TMEM45A: variants seen among roughly 807,000 people sequenced by gnomAD.
TMEM45A encodes the protein transmembrane protein 45A.
Under a neutral mutation model 32.0 loss-of-function variants are expected in TMEM45A, and 25 were observed. The observed-to-expected ratio is 0.78, with a 90% CI of 0.57 to 1.09. TMEM45A has a LOEUF of 1.09. Among genes scored for constraint, TMEM45A ranks in the 50% least tolerant of loss-of-function variants. TMEM45A has a pLI of 0.00. For missense variants in TMEM45A, 302 were observed against 325.0 expected (o/e 0.93, Z 0.54); for synonymous variants, 122 against 114.8 (o/e 1.06, Z -0.40).
chr3:100,563,320 C>T (rs997875240), intron 4 of TMEM45A, among the ~76,000 whole-genome samples: 1 of 152,218 alleles, frequency 6.6e-6, no homozygotes, highest in East Asian at 1.9e-4. Context: ...TTCACCTTAA[C>T]TTGATTACCT....
chr3:100,534,398 G>A (rs982226643), intron 1 of TMEM45A, among the ~76,000 whole-genome samples: 4 of 152,128 alleles, frequency 2.6e-5, no homozygotes, highest in South Asian at 2.1e-4. Context: ...CAGGAGGATC[G>A]GACTCAGAAG....
chr3:100,555,508 T>C (rs549434774), intron 2 of TMEM45A, 107 bp downstream of exon 2: 1 of 1,210,706 alleles, frequency 8.3e-7, no homozygotes, highest in South Asian at 1.8e-5. Context: ...TTCTGATCTC[T>C]GAAAGAATAA....
At chr3:100,505,937 G>A (rs539189819) in intron 1 of TMEM45A, among the ~76,000 whole-genome samples, 79 of 152,314 alleles carry the variant, frequency 5.2e-4, no homozygotes, top group African/African-American at 1.8e-3. Context: ...GGGAAACCAA[G>A]GTGGTTAGAG....
intron 1 of TMEM45A, among the ~76,000 whole-genome samples, chr3:100,548,864 T>C (rs1706032619): frequency 6.6e-6 from 1 of 152,196 alleles, no homozygotes; most frequent in African/African-American, 2.4e-5. Context: ...CAGTTTTCTT[T>C]CATCATTTTT....
intron 1 of TMEM45A, among the ~76,000 whole-genome samples, chr3:100,537,724 AGCCAAAC>A (rs1705770273): frequency 6.6e-6 from 1 of 152,258 alleles, no homozygotes; most frequent in Admixed American, 6.5e-5. Context: ...CCCAGGAGAT[AGCCAAAC>A]GTTCACACAG....
At chr3:100,535,176 A>G (rs1364256960) in intron 1 of TMEM45A, among the ~76,000 whole-genome samples, 2 of 151,330 alleles carry the variant, frequency 1.3e-5, no homozygotes, top group African/African-American at 4.9e-5. Context: ...GCTGGAGTAC[A>G]GTGGTGCAAT....
intron 1 of TMEM45A, among the ~76,000 whole-genome samples, chr3:100,493,835 G>A (rs1707886026): frequency 1.3e-5 from 2 of 152,062 alleles, no homozygotes; most frequent in Non-Finnish European, 2.9e-5. Context: ...GGGTTCAAGT[G>A]ATTCTCCTGA....
At chr3:100,524,513 C>T (rs1318021969) in intron 1 of TMEM45A, among the ~76,000 whole-genome samples, 1 of 152,140 alleles carries the variant, frequency 6.6e-6, no homozygotes, top group African/African-American at 2.4e-5. Context: ...TGTCAGGCAT[C>T]CTGCAAGTTT....
In TMEM45A at chr3:100,576,086, T is replaced by C. The variant is rs1576299740; in HGVS notation, c.735-839T>C. Among the ~76,000 whole-genome samples the C allele has an allele frequency of 2.0e-5, 3 of 149,334 alleles. No individual in the cohort carries two copies. In the South Asian group the frequency reaches 6.4e-4, roughly 32 times the overall value. Reference sequence around the variant, plus strand: ...GGAGCACTTTGGGAGGCTGAGGCGGTCAGATCACTTGAGTTCAGGAGTTCG... The same window carrying C: ...GGAGCACTTTGGGAGGCTGAGGCGGCCAGATCACTTGAGTTCAGGAGTTCG... On this transcript the variant is annotated intron_variant, in intron 5 of 5. Coordinates refer to ENST00000323523, the MANE Select transcript of TMEM45A (RefSeq NM_018004.3).
At chr3:100,527,839 C>T (rs1398951220) in intron 1 of TMEM45A, among the ~76,000 whole-genome samples, 1 of 152,184 alleles carries the variant, frequency 6.6e-6, no homozygotes, top group Non-Finnish European at 1.5e-5. Flanking sequence ...TTCAGAAAAG[C>T]ATAGGATGTT....
intron 1 of TMEM45A, among the ~76,000 whole-genome samples, chr3:100,527,623 A>G (rs1033604556): frequency 1.3e-4 from 20 of 152,144 alleles, no homozygotes; most frequent in African/African-American, 4.6e-4. Flanking sequence ...ATCTCTCTCC[A>G]TCCTGTCCTG....
chr3:100,523,720 CCTT>C (rs927504044), intron 1 of TMEM45A, among the ~76,000 whole-genome samples: 4 of 149,672 alleles, frequency 2.7e-5, no homozygotes, highest in African/African-American at 1.0e-4. Flanking sequence ...CCTTTCTCCT[CCTT>C]CTCCTCCTCC....
At chr3:100,560,587 T>C (rs1234697063) in intron 4 of TMEM45A, among the ~76,000 whole-genome samples, 1 of 152,222 alleles carries the variant, frequency 6.6e-6, no homozygotes, top group African/African-American at 2.4e-5. Context: ...CTTTGTAATG[T>C]GTTGAGACTT....
intron 5 of TMEM45A, 120 bp from the exon 6 acceptor site, chr3:100,576,805 T>C (rs1706697796): frequency 1.3e-6 from 1 of 797,846 alleles, no homozygotes; most frequent in Non-Finnish European, 2.1e-6. Flanking sequence ...TAATTTTCCT[T>C]TTTGGGTTGC....
At chr3:100,557,888 A>G (rs1465599114) in intron 3 of TMEM45A, among the ~76,000 whole-genome samples, 1 of 152,192 alleles carries the variant, frequency 6.6e-6, no homozygotes, top group Admixed American at 6.5e-5. Flanking sequence ...ATGTTGTTAT[A>G]TCTGTCAAAA....
At chr3:100,541,736 G>C (rs1576280204) in intron 1 of TMEM45A, among the ~76,000 whole-genome samples, 1 of 151,898 alleles carries the variant, frequency 6.6e-6, no homozygotes, top group East Asian at 1.9e-4. Flanking sequence ...TTGCCATGTT[G>C]CCTAGGCTGG....
At chr3:100,514,545 C>T (rs923980138) in intron 1 of TMEM45A, among the ~76,000 whole-genome samples, 1 of 151,886 alleles carries the variant, frequency 6.6e-6, no homozygotes. Context: ...CTAGGCATTA[C>T]CATTCAGGAC....
intron 1 of TMEM45A, among the ~76,000 whole-genome samples, chr3:100,534,072 G>A (rs1381622691): frequency 6.6e-6 from 1 of 152,104 alleles, no homozygotes; most frequent in African/African-American, 2.4e-5. Context: ...TGTCTCCCAG[G>A]CTGACTTGGA....
At chr3:100,511,156 C>G (rs1007531294) in intron 1 of TMEM45A, among the ~76,000 whole-genome samples, 2 of 151,702 alleles carry the variant, frequency 1.3e-5, no homozygotes, top group African/African-American at 4.8e-5. Context: ...AGAGCAACTC[C>G]AAGACACATA....
Sources: allele counts gnomAD v4.1 joint callset (sites outside exome capture counted in the v4.1 genomes callset), GRCh38; gene constraint gnomAD v4.1.1; transcripts MANE v1.5; gene names NCBI Gene and HGNC (gene_info 2026-07-23, HGNC 2026-07-21).